Variants in CD109 observed in about 807,000 individuals in gnomAD.
CD109 encodes the protein CD109 molecule.
A neutral mutation model predicts 165.8 loss-of-function variants in CD109; 149 were observed. The ratio of observed to expected loss-of-function variants is 0.90; its 90% CI spans 0.79 to 1.03. The LOEUF is 1.03. Among genes scored for constraint, CD109 ranks in the 50% least tolerant of loss-of-function variants. CD109 has a pLI of 0.00. For synonymous variants in CD109, 585 were observed against 592.1 expected (o/e 0.99, Z 0.18); for missense variants, 1,712 against 1,677.8 (o/e 1.02, Z -0.36).
chr6:73,801,010 T>C (rs1775342759), intron 23 of CD109, among the ~76,000 whole-genome samples: 1 of 152,240 alleles, frequency 6.6e-6, no homozygotes, highest in South Asian at 2.1e-4. Context: ...TTATTGCATC[T>C]GGTGCTTAGA....
intron 23 of CD109, among the ~76,000 whole-genome samples, chr6:73,796,474 C>T (rs569867516): frequency 6.6e-6 from 1 of 152,172 alleles, no homozygotes; most frequent in Non-Finnish European, 1.5e-5. Context: ...TCCCTGACCA[C>T]TTAGTAACTC....
chr6:73,818,275 C>A, intron 30 of CD109, 113 bp from the exon 31 acceptor site: 2 of 1,075,240 alleles, frequency 1.9e-6, no homozygotes, highest in South Asian at 1.5e-5. Context: ...TATTTGAACT[C>A]AAACAGTGTT....
At chr6:73,792,888 A>C in intron 23 of CD109, 86 bp downstream of exon 23, 1 of 1,025,282 alleles carries the variant, frequency 9.8e-7, no homozygotes. Context: ...ATTTCAAAAT[A>C]GATGGATTTT....
At chr6:73,718,310 C>T (rs1214962822) in intron 2 of CD109, among the ~76,000 whole-genome samples, 1 of 152,034 alleles carries the variant, frequency 6.6e-6, no homozygotes, top group Non-Finnish European at 1.5e-5. Flanking sequence ...TGAAAGTGGG[C>T]ATTCTTGTCG....
In CD109 at chr6:73,815,123, GGTAA is replaced by G. The variant is rs758491456; in HGVS notation, c.3911+3_3911+6del. The G allele has an allele frequency of 5.1e-6, 8 of 1,575,240 alleles. No individual in the cohort carries two copies. Among genetic ancestry groups the G allele is most frequent in the Non-Finnish European group, 6.9e-6 (8 of 1,167,872 alleles). ...CATGTGGATTTGAATGTGTGTACAA[GGTAA>G]GTGTCTGCTTAGGTCTCTCTTCTTT... On this transcript the variant is annotated splice_donor_variant and splice_donor_region_variant and intron_variant, in intron 30 of 32. Transcript: ENST00000287097. LOFTEE classifies it high-confidence loss of function.
rs1468898432 is a variant in CD109 at position 73,812,225 on chromosome 6, GGCAGTTAATATTTCC to G, written c.3727_3741del (p.Val1243_Ala1247del). The G allele has an allele frequency of 1.9e-6, 3 of 1,609,294 alleles. No homozygotes were observed. The highest frequency in any genetic ancestry group is 2.7e-5 in the African/African-American group (2 of 74,722). ...TTCAGCTTGCTGTGGTACAGCCAACGGCAGTTAATATTTCCGCAAATGGTTTTGGATTTGCTATTT... is the reference window on the plus strand; with the variant it reads ...TTCAGCTTGCTGTGGTACAGCCAACGGCAAATGGTTTTGGATTTGCTATTT... On this transcript the variant is annotated inframe_deletion, in exon 29 of 33. Coordinates refer to ENST00000287097, the MANE Select transcript of CD109 (RefSeq NM_133493.5).
upstream of CD109, among the ~76,000 whole-genome samples, chr6:73,693,255 CAT>C (rs1179998698): frequency 7.9e-5 from 12 of 152,092 alleles, no homozygotes; most frequent in African/African-American, 2.9e-4. Flanking sequence ...TGCTTCCACT[CAT>C]GTGGAAGGGG....
At chr6:73,683,400 T>C in the CD109 span, among the ~76,000 whole-genome samples, 8 of 152,284 alleles carry the variant, frequency 5.3e-5, no homozygotes, top group African/African-American at 1.4e-4. Flanking sequence ...CCCAACAAGC[T>C]CCTCATCTCA....
the CD109 span, among the ~76,000 whole-genome samples, chr6:73,689,974 T>C: frequency 1.8e-4 from 27 of 152,354 alleles, no homozygotes; most frequent in Non-Finnish European, 3.4e-4. Flanking sequence ...AAACCATACT[T>C]ACATCAACAC....
At chr6:73,774,831 C>T (rs1465790126) in intron 15 of CD109, among the ~76,000 whole-genome samples, 1 of 152,160 alleles carries the variant, frequency 6.6e-6, no homozygotes, top group African/African-American at 2.4e-5. Context: ...ACCACTCTTC[C>T]TGGGGTTTTC....
chr6:73,791,184 C>CAT (rs1562071064), intron 22 of CD109, among the ~76,000 whole-genome samples: 20 of 50,872 alleles, frequency 3.9e-4, no homozygotes, highest in African/African-American at 1.7e-3. Context: ...TATACACACA[C>CAT]ACACATACAT....
At chr6:73,727,054 G>A (rs994226020) in intron 3 of CD109, among the ~76,000 whole-genome samples, 4 of 152,162 alleles carry the variant, frequency 2.6e-5, no homozygotes, top group African/African-American at 9.7e-5. Flanking sequence ...ACGGCAGAAG[G>A]CAATTTACCA....
At chr6:73,687,188 C>T in the CD109 span, among the ~76,000 whole-genome samples, 3 of 151,952 alleles carry the variant, frequency 2.0e-5, no homozygotes, top group Non-Finnish European at 4.4e-5. Context: ...GAGAGAAATC[C>T]CTCATATCTA....
intron 5 of CD109, among the ~76,000 whole-genome samples, chr6:73,749,220 T>C (rs1773092666): frequency 6.6e-6 from 1 of 151,950 alleles, no homozygotes; most frequent in African/African-American, 2.4e-5. Context: ...AGATTAGGAG[T>C]CCTAAGACCT....
intron 5 of CD109, among the ~76,000 whole-genome samples, chr6:73,746,608 C>A (rs55959929): frequency 0.024 from 3,698 of 151,154 alleles, 65 homozygotes; most frequent in East Asian, 0.041. Context: ...TTTTTCAACA[C>A]CAAGGAAACA....
At chr6:73,680,045 G>A in the CD109 span, among the ~76,000 whole-genome samples, 1 of 152,148 alleles carries the variant, frequency 6.6e-6, no homozygotes, top group Non-Finnish European at 1.5e-5. Context: ...AAAGGATTCA[G>A]CCCAAGATCT....
intron 14 of CD109, 52 bp from the exon 15 acceptor site, chr6:73,771,377 A>C: frequency 6.7e-7 from 1 of 1,496,914 alleles, no homozygotes; most frequent in East Asian, 2.3e-5. Context: ...TATTGGCAAG[A>C]ATATGCTTTA....
Position 73,697,289 on chromosome 6 carries a change from T to G in CD109, c.75-111T>G, listed in dbSNP as rs1264472293. The G allele has an allele frequency of 5.7e-5, 50 of 877,920 alleles. 1 individual carries two copies. The highest frequency in any genetic ancestry group is 4.7e-4 in the South Asian group (28 of 59,034). 54.4% of individuals were successfully genotyped at this position (877,920 alleles called of 1,614,324 possible). A position where few individuals can be genotyped will look rare whatever the true frequency, so the allele number is the denominator to read the frequency against. ...AGTGGGCAATGTTAACGGAAACAAC[T>G]GCAATTGGCGCAGTATGGAGTGCCT... On this transcript the variant is annotated intron_variant, in intron 1 of 32. Transcript: ENST00000287097.
rs150931400 is a variant in CD109 at position 73,719,396 on chromosome 6, A to C, written c.248-3855A>C. ...TGATTATTGCCATTATTTTTGTGATAGTTGTGAATTCCATGATAGTTTTTG... is the reference window on the plus strand; with the variant it reads ...TGATTATTGCCATTATTTTTGTGATCGTTGTGAATTCCATGATAGTTTTTG... On this transcript the variant is annotated intron_variant, in intron 2 of 32. Transcript: ENST00000287097. 2.8e-3 allele frequency among the ~76,000 whole-genome samples: 426 copies of C among 152,332 alleles called. 15 individuals are homozygous for C. Among genetic ancestry groups the C allele is most frequent in the Admixed American group, 0.024 (363 of 15,296 alleles).
Sources: allele counts gnomAD v4.1 joint callset (sites outside exome capture counted in the v4.1 genomes callset), GRCh38; gene constraint gnomAD v4.1.1; transcripts MANE v1.5; gene names NCBI Gene and HGNC (gene_info 2026-07-23, HGNC 2026-07-21).